Variants in GLDN observed in about 807,000 individuals in gnomAD.
The protein encoded by GLDN is collomin.
A neutral mutation model predicts 56.5 loss-of-function variants in GLDN; 47 were observed. The ratio of observed to expected loss-of-function variants is 0.83; its 90% CI spans 0.66 to 1.06. The LOEUF (loss-of-function observed/expected upper bound fraction) is 1.06, where lower values mean the gene tolerates loss of function less well. Among genes scored for constraint, GLDN ranks in the 50% least tolerant of loss-of-function variants. The probability of loss-of-function intolerance (pLI) is 0.00; values close to 1 mark genes in which losing one functional copy is unlikely to be tolerated. For missense variants in GLDN, 782 were observed against 714.3 expected (o/e 1.09, Z -1.08); for synonymous variants, 332 against 278.8 (o/e 1.19, Z -1.90).
At chr15:51,382,225 C>T (rs1266651568) in intron 2 of GLDN, among the ~76,000 whole-genome samples, 3 of 152,200 alleles carry the variant, frequency 2.0e-5, no homozygotes, top group Admixed American at 6.5e-5. Context: ...TGCATGCCCA[C>T]ACTTCCCCAG....
intron 1 of GLDN, among the ~76,000 whole-genome samples, chr15:51,368,550 G>C (rs995395084): frequency 6.6e-6 from 1 of 151,372 alleles, no homozygotes; most frequent in African/African-American, 2.4e-5. Context: ...TCACACCCCA[G>C]AATTTCACTG....
chr15:51,341,876 C>T lies in GLDN; in HGVS notation c.192C>T (p.Ala64=). 3 of 1,568,014 alleles carry T rather than the reference C, an allele frequency of 1.9e-6. No homozygotes were observed. The South Asian group carries it at 3.4e-5, about 18-fold the overall frequency. The part of the protein sequence containing the change: ...QRGREQREDS[A]LRSFLAELSR... ...GCCGGGAGCAGCGCGAGGACAGTGCCCTGCGCTCCTTCCTGGCCGAGTTGA... is the reference window on the plus strand; with the variant it reads ...GCCGGGAGCAGCGCGAGGACAGTGCTCTGCGCTCCTTCCTGGCCGAGTTGA... The change falls in exon 1 of 10, where the codon GCC becomes GCT. Residue 64 remains alanine, a synonymous_variant. Transcript: ENST00000335449.
intron 2 of GLDN, among the ~76,000 whole-genome samples, chr15:51,380,783 C>G (rs1439749425): frequency 6.6e-6 from 1 of 152,214 alleles, no homozygotes; most frequent in Admixed American, 6.5e-5. Context: ...GCTCTTCCAT[C>G]CCCAATTCTA....
Position 51,400,405 on chromosome 15 carries a change from C to T in GLDN, c.934C>T (p.Gln312Ter), listed in dbSNP as rs1470780767. The change falls in exon 8 of 10, where the codon CAA becomes TAA. Residue 312 changes from glutamine to a stop codon, truncating the protein, a stop_gained. Transcript: ENST00000335449. LOFTEE classifies it high-confidence loss of function. ...SMITSIGNPVQVLKVTETFGT... is the reference protein window; with the variant it reads ...SMITSIGNPV Reference sequence around the variant, plus strand: ...GATCACTTCCATTGGAAACCCAGTGCAAGTACTGAAAGTGACAGAGACATT... The same window carrying T: ...GATCACTTCCATTGGAAACCCAGTGTAAGTACTGAAAGTGACAGAGACATT... 1 of 1,614,088 alleles carries T rather than the reference C, an allele frequency of 6.2e-7. No homozygotes were observed. The highest frequency in any genetic ancestry group is 2.2e-5 in the East Asian group (1 of 44,884).
chr15:51,348,167 G>A (rs1023969756), intron 1 of GLDN, among the ~76,000 whole-genome samples: 8 of 152,232 alleles, frequency 5.3e-5, no homozygotes, highest in South Asian at 2.1e-4. Context: ...AGGCCAGGGA[G>A]CAATAGAGCA....
intron 1 of GLDN, among the ~76,000 whole-genome samples, chr15:51,348,597 G>A (rs1023520357): frequency 1.3e-5 from 2 of 151,800 alleles, no homozygotes; most frequent in Non-Finnish European, 2.9e-5. Flanking sequence ...GCCTCCCAAA[G>A]TGCTGGAATT....
In GLDN at chr15:51,341,895, G is replaced by A. The variant is rs757916341; in HGVS notation, c.211G>A (p.Glu71Lys). 3 of 1,587,118 alleles carry A rather than the reference G, an allele frequency of 1.9e-6. No individual in the cohort carries two copies. The highest frequency in any genetic ancestry group is 2.7e-5 in the African/African-American group (2 of 74,494). ...EDSALRSFLA[E>K]LSRAPRGASA... is the part of the protein sequence containing the mutation. ...CAGTGCCCTGCGCTCCTTCCTGGCC[G>A]AGTTGAGCCGCGCGCCGCGCGGGGC... Residue 71 changes from glutamate to lysine, a missense_variant, in exon 1 of 10, where the codon GAG (glutamate) becomes AAG (lysine). Physicochemically the swap from Glu to Lys is moderately conservative, Grantham distance 56 (BLOSUM62 1). Transcript: ENST00000335449.
chr15:51,402,119 T>C (rs1233531764), intron 9 of GLDN, among the ~76,000 whole-genome samples: 2 of 152,106 alleles, frequency 1.3e-5, no homozygotes, highest in Non-Finnish European at 2.9e-5. Flanking sequence ...TTGGAAAACT[T>C]TGGGTGTGGG....
At chr15:51,411,861 G>A (rs1054140173), downstream of GLDN, among the ~76,000 whole-genome samples, 2 of 152,230 alleles carry the variant, frequency 1.3e-5, no homozygotes, top group African/African-American at 2.4e-5. Context: ...CACCCCCTGG[G>A]ATAATCATGC....
chr15:51,387,439 G>T (rs2037921871), intron 4 of GLDN, among the ~76,000 whole-genome samples: 1 of 152,146 alleles, frequency 6.6e-6, no homozygotes, highest in Non-Finnish European at 1.5e-5. Context: ...GGAGGTAACA[G>T]CTTTGGCCAG....
In GLDN at chr15:51,397,606, C is replaced by CCTT; in HGVS notation, c.817+10_817+11insTCT. The CCTT allele has an allele frequency of 2.5e-6, 4 of 1,577,226 alleles. No individual in the cohort carries two copies. The highest frequency in any genetic ancestry group is 3.4e-6 in the Non-Finnish European group (4 of 1,160,012). Reference sequence around the variant, plus strand: ...TCAACGGCCAGTGCCCAGGTCACCACCTCTCCCCTACGGGGCCCACCTCTT... The same window carrying CCTT: ...TCAACGGCCAGTGCCCAGGTCACCACCTTCTCTCCCCTACGGGGCCCACCTCTT... On this transcript the variant is annotated intron_variant, in intron 6 of 9. Coordinates refer to ENST00000335449, the MANE Select transcript of GLDN (RefSeq NM_181789.4).
intron 1 of GLDN, among the ~76,000 whole-genome samples, chr15:51,349,739 C>T (rs2037040930): frequency 6.8e-6 from 1 of 147,324 alleles, no homozygotes. Context: ...GGCACTAGGG[C>T]TGATTTTTTT....
intron 1 of GLDN, chr15:51,377,156 T>A (rs971149488): frequency 2.2e-6 from 1 of 451,388 alleles, no homozygotes; most frequent in African/African-American, 2.0e-5. Context: ...TAGGTTTGTT[T>A]ATACCAGCAT....
rs763854420 is a variant in GLDN at position 51,401,757 on chromosome 15, C to T, written c.1178+14C>T. ...TACCCTAGTGAGGTAAGTCGCACCACAGCACCTTCTCACGCCTCTCAGGCA... is the reference window on the plus strand; with the variant it reads ...TACCCTAGTGAGGTAAGTCGCACCATAGCACCTTCTCACGCCTCTCAGGCA... On this transcript the variant is annotated intron_variant, in intron 9 of 9. Transcript: ENST00000335449. 9.3e-6 allele frequency: 15 copies of T among 1,610,022 alleles called. No individual in the cohort carries two copies. The South Asian group carries it at 1.2e-4, about 13-fold the overall frequency.
chr15:51,410,442 C>G (rs2038453828), downstream of GLDN, among the ~76,000 whole-genome samples: 1 of 152,122 alleles, frequency 6.6e-6, no homozygotes, highest in Non-Finnish European at 1.5e-5. Flanking sequence ...GTGTAAAGGC[C>G]TAGACATCTC....
intron 1 of GLDN, among the ~76,000 whole-genome samples, chr15:51,364,386 A>G (rs2037361069): frequency 6.6e-6 from 1 of 151,846 alleles, no homozygotes; most frequent in Non-Finnish European, 1.5e-5. Flanking sequence ...CCCTGTACTT[A>G]TTTTTTCTTT....
intron 2 of GLDN, among the ~76,000 whole-genome samples, chr15:51,382,925 C>T (rs531521358): frequency 6.6e-6 from 1 of 152,088 alleles, no homozygotes; most frequent in Non-Finnish European, 1.5e-5. Flanking sequence ...TCTGGGCTCT[C>T]AATTTTTCTC....
chr15:51,378,624 C>G (rs2470174), intron 2 of GLDN, among the ~76,000 whole-genome samples: 1 of 152,054 alleles, frequency 6.6e-6, no homozygotes, highest in Non-Finnish European at 1.5e-5. Flanking sequence ...GAGTGGGGAA[C>G]GACGTCTGCA....
intron 2 of GLDN, among the ~76,000 whole-genome samples, chr15:51,379,428 C>T (rs1458310174): frequency 6.6e-6 from 1 of 152,232 alleles, no homozygotes; most frequent in Non-Finnish European, 1.5e-5. Flanking sequence ...TACACATTCT[C>T]CTTGCAGCCA....
Sources: allele counts gnomAD v4.1 joint callset (sites outside exome capture counted in the v4.1 genomes callset), GRCh38; gene constraint gnomAD v4.1.1; transcripts MANE v1.5; gene names NCBI Gene and HGNC (gene_info 2026-07-23, HGNC 2026-07-21).